The following FAT3 variants were observed in gnomAD, a reference collection of about 807,000 sequenced individuals.
FAT3 encodes protocadherin Fat 3.
FAT3 carries 95 observed loss-of-function variants against 310.2 expected under a neutral mutation model. The ratio of observed to expected loss-of-function variants is 0.31; its 90% CI spans 0.26 to 0.36. The LOEUF is 0.36. Among genes scored for constraint, FAT3 ranks in the 10% least tolerant of loss-of-function variants. FAT3 has a pLI of 1.00. For missense variants in FAT3, 5,408 were observed against 5,715.6 expected (o/e 0.95, Z 1.74); for synonymous variants, 2,314 against 2,192.9 (o/e 1.06, Z -1.54).
intron 1 of FAT3, among the ~76,000 whole-genome samples, chr11:92,259,926 G>T (rs1865473408): frequency 1.3e-5 from 2 of 152,082 alleles, no homozygotes; most frequent in African/African-American, 2.4e-5. Flanking sequence ...TGTGGCTGGG[G>T]TGTTTTTAAG....
chr11:92,591,914 T>C (rs1281310412), intron 3 of FAT3, among the ~76,000 whole-genome samples: 1 of 152,188 alleles, frequency 6.6e-6, no homozygotes, highest in Admixed American at 6.5e-5. Flanking sequence ...ATTCTTGAGT[T>C]TGAGGGATAT....
intron 3 of FAT3, among the ~76,000 whole-genome samples, chr11:92,613,551 T>C (rs1940666705): frequency 6.6e-6 from 1 of 152,186 alleles, no homozygotes; most frequent in Non-Finnish European, 1.5e-5. Context: ...CATATATGTA[T>C]GCATATTTAA....
chr11:92,448,944 G>A (rs1293358555), intron 2 of FAT3, among the ~76,000 whole-genome samples: 1 of 152,188 alleles, frequency 6.6e-6, no homozygotes, highest in Non-Finnish European at 1.5e-5. Context: ...GGGCTGCTCA[G>A]GTGCCAACCT....
chr11:92,435,090 C>T (rs938703807), intron 2 of FAT3, among the ~76,000 whole-genome samples: 3 of 152,146 alleles, frequency 2.0e-5, no homozygotes, highest in East Asian at 1.9e-4. Context: ...CACCTATATC[C>T]TCCCCCTTAA....
At chr11:92,599,062 A>G (rs1027484105) in intron 3 of FAT3, among the ~76,000 whole-genome samples, 5 of 152,172 alleles carry the variant, frequency 3.3e-5, no homozygotes, top group Non-Finnish European at 7.3e-5. Flanking sequence ...ATCTGGGGAT[A>G]AGAACAGCTC....
At chr11:92,256,697 A>G (rs1467517944) in intron 1 of FAT3, among the ~76,000 whole-genome samples, 2 of 152,108 alleles carry the variant, frequency 1.3e-5, no homozygotes, top group Non-Finnish European at 2.9e-5. Flanking sequence ...GGGCCGTAGG[A>G]TGTTTTGTGA....
chr11:92,430,352 C>A (rs747382778), intron 2 of FAT3, among the ~76,000 whole-genome samples: 2 of 152,172 alleles, frequency 1.3e-5, no homozygotes, highest in African/African-American at 2.4e-5. Flanking sequence ...CAAACTCATT[C>A]TCCACCTAGT....
chr11:92,747,374 G>T (rs546824564), intron 4 of FAT3, among the ~76,000 whole-genome samples: 81 of 152,334 alleles, frequency 5.3e-4, no homozygotes, highest in African/African-American at 1.8e-3. Context: ...GCACTGAAGC[G>T]GTTGGGATGC....
At chr11:92,659,024 C>T (rs897592441) in intron 3 of FAT3, among the ~76,000 whole-genome samples, 2 of 152,048 alleles carry the variant, frequency 1.3e-5, no homozygotes, top group Non-Finnish European at 2.9e-5. Flanking sequence ...TATCTAACTG[C>T]AGGCTCCTGT....
At chr11:92,707,558 G>A (rs1166487309) in intron 4 of FAT3, among the ~76,000 whole-genome samples, 1 of 152,138 alleles carries the variant, frequency 6.6e-6, no homozygotes, top group African/African-American at 2.4e-5. Context: ...AAGAGGTTAG[G>A]AGTTTCCTGC....
intron 1 of FAT3, among the ~76,000 whole-genome samples, chr11:92,351,230 T>G (rs1163836390): frequency 6.6e-6 from 1 of 152,232 alleles, no homozygotes; most frequent in Non-Finnish European, 1.5e-5. Context: ...GTCTCTGCTT[T>G]GTAACTTGAC....
At chr11:92,243,070 T>G (rs1200777967) in intron 1 of FAT3, among the ~76,000 whole-genome samples, 2 of 152,016 alleles carry the variant, frequency 1.3e-5, no homozygotes, top group African/African-American at 4.8e-5. Context: ...TTTGGGATTA[T>G]GAAACAATGC....
At chr11:92,717,953 CA>C (rs577448182) in intron 4 of FAT3, among the ~76,000 whole-genome samples, 5 of 152,000 alleles carry the variant, frequency 3.3e-5, no homozygotes, top group Non-Finnish European at 5.9e-5. Context: ...TGGTGGATTG[CA>C]AAAAATGGCC....
At chr11:92,396,209 C>T (rs1949865420) in intron 2 of FAT3, among the ~76,000 whole-genome samples, 1 of 152,158 alleles carries the variant, frequency 6.6e-6, no homozygotes, top group Non-Finnish European at 1.5e-5. Context: ...AACTTTAATG[C>T]TCAAAAACTT....
chr11:92,294,832 A>C (rs117905867), intron 1 of FAT3, among the ~76,000 whole-genome samples: 3,037 of 152,226 alleles, frequency 0.02, 50 homozygotes, highest in Non-Finnish European at 0.033. Flanking sequence ...ATTTGTCAGA[A>C]TGTTAATTCC....
intron 1 of FAT3, among the ~76,000 whole-genome samples, chr11:92,231,852 T>C (rs1442374833): frequency 6.6e-6 from 1 of 152,172 alleles, no homozygotes; most frequent in Non-Finnish European, 1.5e-5. Flanking sequence ...GTGTGTGTTT[T>C]CTTTCAAAGC....
intron 13 of FAT3, among the ~76,000 whole-genome samples, chr11:92,826,593 A>G (rs1948111910): frequency 6.6e-6 from 1 of 152,220 alleles, no homozygotes; most frequent in Non-Finnish European, 1.5e-5. Flanking sequence ...ATGTTATGAT[A>G]TGTGATTATG....
intron 13 of FAT3, among the ~76,000 whole-genome samples, chr11:92,825,992 CA>C (rs1293808452): frequency 6.6e-6 from 1 of 152,068 alleles, no homozygotes; most frequent in African/African-American, 2.4e-5. Flanking sequence ...CTACTATGTC[CA>C]GTTCAAATAA....
At position 92,430,135 on chromosome 11, in the gene FAT3, A is replaced by G. The variant is rs554862553; in HGVS notation, c.3292+74731A>G. 2.6e-4 allele frequency among the ~76,000 whole-genome samples: 39 copies of G among 152,094 alleles called. No homozygotes were observed. In the East Asian group the frequency reaches 6.4e-3, roughly 25 times the overall value. ...CTTTATTTCATTAAGTTGATCTTCA[A>G]TCTCTGATATTCTTTCTTCACTTGA... On this transcript the variant is annotated intron_variant, in intron 2 of 27. Transcript: ENST00000525166.
Sources: gnomAD v4.1 joint callset for allele counts (sites outside exome capture counted in the v4.1 genomes callset) on GRCh38, gnomAD v4.1.1 for gene constraint, MANE v1.5 for transcripts, NCBI Gene and HGNC (gene_info 2026-07-23, HGNC 2026-07-21) for gene names.